Variants in DPF3 observed in about 807,000 individuals in gnomAD.
DPF3 encodes double PHD fingers 3, also known as zinc finger protein DPF3.
Under a neutral mutation model 56.8 loss-of-function variants are expected in DPF3, and 18 were observed. That is an observed-to-expected ratio of 0.32 (90% CI 0.22 to 0.47). The LOEUF (loss-of-function observed/expected upper bound fraction) is 0.47. Ranked by LOEUF, DPF3 falls within the 20% of genes least tolerant of loss-of-function variation. The pLI is 1.00. For synonymous variants in DPF3, 188 were observed against 180.2 expected (o/e 1.04, Z -0.35); for missense variants, 403 against 488.8 (o/e 0.82, Z 1.65).
At chr14:72,863,580 C>G (rs915543592) in intron 1 of DPF3, among the ~76,000 whole-genome samples, 3 of 148,888 alleles carry the variant, frequency 2.0e-5, no homozygotes, top group Non-Finnish European at 4.4e-5. Flanking sequence ...AAAAAGCAAC[C>G]GATGTGTAGA....
chr14:72,661,457 ACT>A, intron 8 of DPF3: 1 of 985,324 alleles, frequency 1.0e-6, no homozygotes, highest in Middle Eastern at 5.2e-4. Flanking sequence ...TGTTATTATG[ACT>A]CTGCTTACAA....
intron 7 of DPF3, among the ~76,000 whole-genome samples, chr14:72,677,814 C>T (rs1886979895): frequency 6.6e-6 from 1 of 152,174 alleles, no homozygotes; most frequent in Admixed American, 6.5e-5. Flanking sequence ...GCCAATGGCC[C>T]TGAGTCACTG....
intron 8 of DPF3, among the ~76,000 whole-genome samples, chr14:72,638,201 C>G (rs1174593491): frequency 6.6e-6 from 1 of 152,166 alleles, no homozygotes; most frequent in Non-Finnish European, 1.5e-5. Flanking sequence ...AAATGCTTCT[C>G]TGGATTTGTA....
At chr14:72,833,398 G>C (rs1884145242) in intron 1 of DPF3, among the ~76,000 whole-genome samples, 2 of 152,200 alleles carry the variant, frequency 1.3e-5, no homozygotes, top group Non-Finnish European at 2.9e-5. Flanking sequence ...AACGTGTTGA[G>C]GTCCTGGTTG....
chr14:72,792,769 C>T (rs1678785739), intron 1 of DPF3, among the ~76,000 whole-genome samples: 1 of 152,084 alleles, frequency 6.6e-6, no homozygotes, highest in Admixed American at 6.5e-5. Context: ...TTCCAATGAC[C>T]CAGTGTGGCC....
intron 7 of DPF3, among the ~76,000 whole-genome samples, chr14:72,687,713 A>T (rs978020429): frequency 2.0e-5 from 3 of 152,098 alleles, no homozygotes; most frequent in African/African-American, 7.2e-5. Context: ...TCATTCTCCA[A>T]TGGCTAACTT....
intron 1 of DPF3, among the ~76,000 whole-genome samples, chr14:72,844,809 T>A (rs1402816715): frequency 1.3e-5 from 2 of 152,212 alleles, no homozygotes; most frequent in East Asian, 3.8e-4. Context: ...AGTGCACAGA[T>A]AATGTCAAAG....
chr14:72,647,893 G>A (rs1045852115), intron 8 of DPF3, among the ~76,000 whole-genome samples: 2 of 152,120 alleles, frequency 1.3e-5, no homozygotes, highest in African/African-American at 4.8e-5. Context: ...CTTTAATCTC[G>A]CCAGGAGCTC....
At chr14:72,742,593 G>C (rs183182169) in intron 3 of DPF3, 1 of 152,516 alleles carries the variant, frequency 6.6e-6, no homozygotes, top group East Asian at 1.9e-4. Flanking sequence ...TACATGCTTG[G>C]CACCTCGGCG....
At chr14:72,668,681 A>T (rs1439391181) in intron 8 of DPF3, among the ~76,000 whole-genome samples, 4 of 122,484 alleles carry the variant, frequency 3.3e-5, no homozygotes, top group Admixed American at 2.4e-4. Flanking sequence ...TATGTGGATT[A>T]AAAAAAAAAA....
At chr14:72,809,587 C>T (rs1214457185) in intron 1 of DPF3, among the ~76,000 whole-genome samples, 1 of 152,216 alleles carries the variant, frequency 6.6e-6, no homozygotes, top group Non-Finnish European at 1.5e-5. Context: ...CTTTCAGAAC[C>T]CTGCATGTGG....
intron 7 of DPF3, among the ~76,000 whole-genome samples, chr14:72,680,061 G>A (rs74642636): frequency 0.038 from 5,821 of 152,118 alleles, 166 homozygotes; most frequent in South Asian, 0.085. Flanking sequence ...AGGCGCCTGC[G>A]AGGAGCTCCG....
chr14:72,737,190 C>CA (rs1227470412), intron 3 of DPF3, among the ~76,000 whole-genome samples: 8 of 145,730 alleles, frequency 5.5e-5, no homozygotes, highest in East Asian at 2.0e-4. Context: ...CAAATAAAAG[C>CA]AAAAAAACAA....
At chr14:72,756,822 CAGAAAGAAAGAAAGAAAGAAAGAA>C (rs71109746) in intron 2 of DPF3, among the ~76,000 whole-genome samples, 18 of 70,008 alleles carry the variant, frequency 2.6e-4, no homozygotes, top group African/African-American at 6.8e-4. Flanking sequence ...GAAAGAAAGA[CAGAAAGAAAGAAAGAAAGAAAGAA>C]AGAAAGAAAG....
At chr14:72,893,061 G>A (rs1886837844) in intron 1 of DPF3, among the ~76,000 whole-genome samples, 1 of 152,180 alleles carries the variant, frequency 6.6e-6, no homozygotes, top group African/African-American at 2.4e-5. Flanking sequence ...GCAGAAATTG[G>A]CTGTTGGACC....
In DPF3 at chr14:72,612,664, G is replaced by A. The variant is rs752090252; in HGVS notation, c.*6633C>T. The A allele has an allele frequency of 1.8e-5, 9 of 511,206 alleles. No homozygotes were observed. The highest frequency in any genetic ancestry group is 1.2e-4 in the Admixed American group (6 of 51,034). The allele number at this position is 511,206 out of a possible 1,614,324, so 31.7% of individuals were successfully genotyped here. A position where few individuals can be genotyped will look rare whatever the true frequency, so the allele number is the denominator to read the frequency against. Reference sequence around the variant, plus strand: ...AGACATGGAAGGGCAAACCAAGTCCGTATAAACCACAAACCCCATTCTAGC... The same window carrying A: ...AGACATGGAAGGGCAAACCAAGTCCATATAAACCACAAACCCCATTCTAGC... On this transcript the variant is annotated 3_prime_UTR_variant, in exon 11 of 11. Transcript: ENST00000556509.
chr14:72,775,096 T>C (rs531535298), intron 1 of DPF3, among the ~76,000 whole-genome samples: 1 of 152,070 alleles, frequency 6.6e-6, no homozygotes, highest in Non-Finnish European at 1.5e-5. Flanking sequence ...ACAAGAACAT[T>C]TGACAGAGAG....
At chr14:72,630,819 C>G (rs1885128022) in intron 8 of DPF3, among the ~76,000 whole-genome samples, 1 of 152,192 alleles carries the variant, frequency 6.6e-6, no homozygotes, top group Non-Finnish European at 1.5e-5. Context: ...TCTGCCAAAC[C>G]CATTATATGG....
intron 1 of DPF3, among the ~76,000 whole-genome samples, chr14:72,775,487 A>G (rs1321156853): frequency 6.6e-6 from 1 of 152,226 alleles, no homozygotes; most frequent in African/African-American, 2.4e-5. Context: ...AGAATGTCAA[A>G]CAAAGTGGCA....
Sources: allele counts gnomAD v4.1 joint callset (sites outside exome capture counted in the v4.1 genomes callset), GRCh38; gene constraint gnomAD v4.1.1; transcripts MANE v1.5; gene names NCBI Gene and HGNC (gene_info 2026-07-23, HGNC 2026-07-21).